Variants in C20orf203 observed in about 807,000 individuals in gnomAD.
C20orf203 encodes the protein chromosome 20 open reading frame 203.
Under a neutral mutation model 15.9 loss-of-function variants are expected in C20orf203, and 16 were observed. The ratio of observed to expected loss-of-function variants is 1.01; its 90% CI spans 0.68 to 1.53. C20orf203 has a LOEUF of 1.53. C20orf203 is among the 40% of genes most tolerant of loss of function. C20orf203 has a pLI of 0.00. For missense variants in C20orf203, 263 were observed against 247.5 expected, an observed-to-expected ratio of 1.06 and a Z score of -0.42; for synonymous variants, 98 against 97.2, an observed-to-expected ratio of 1.01 and a Z score of -0.05.
intron 1 of C20orf203, among the ~76,000 whole-genome samples, chr20:32,669,528 C>T (rs148660666): frequency 0.01 from 1,560 of 152,264 alleles, 17 homozygotes; most frequent in South Asian, 0.019. Flanking sequence ...GGGGAACCTG[C>T]AAAGGACTGA....
At position 32,642,378 on chromosome 20, in the gene C20orf203, A is replaced by G. The variant is rs150282037; in HGVS notation, c.*1178-1691T>C. 4.1e-3 allele frequency among the ~76,000 whole-genome samples: 618 copies of G among 152,334 alleles called. 2 individuals carry two copies. Among genetic ancestry groups the G allele is most frequent in the Middle Eastern group, 0.01 (3 of 294 alleles). ...CCAGTGAATGTCTATGGATGGACAG[A>G]CAGACAAGTATATCTCTAGGAACGA... On this transcript the variant is annotated intron_variant, in intron 4 of 5. Transcript: ENST00000608990.
chr20:32,662,995 C>G (rs1053126400), intron 1 of C20orf203, among the ~76,000 whole-genome samples: 5 of 144,654 alleles, frequency 3.5e-5, no homozygotes, highest in African/African-American at 1.3e-4. Flanking sequence ...GTCACTCAGG[C>G]TGGAGTACAG....
At chr20:32,648,991 A>T (rs542961206) in intron 4 of C20orf203, among the ~76,000 whole-genome samples, 1 of 152,200 alleles carries the variant, frequency 6.6e-6, no homozygotes, top group African/African-American at 2.4e-5. Flanking sequence ...TGCCTCCCCC[A>T]TGAGGAGGCA....
At chr20:32,651,336 GAAACCCTATTCAA>G (rs1982621783) in intron 2 of C20orf203, among the ~76,000 whole-genome samples, 170 bp from the exon 3 acceptor site, 1 of 141,106 alleles carries the variant, frequency 7.1e-6, no homozygotes, top group South Asian at 2.4e-4. Context: ...GCAACAGAGC[GAAACCCTATTCAA>G]AAAAAAAAAG....
At chr20:32,668,771 C>T (rs962768108) in intron 1 of C20orf203, among the ~76,000 whole-genome samples, 3 of 152,016 alleles carry the variant, frequency 2.0e-5, no homozygotes, top group African/African-American at 7.2e-5. Context: ...GAGCCAAGAT[C>T]GCCCCACTGT....
intron 4 of C20orf203, among the ~76,000 whole-genome samples, chr20:32,644,575 G>T (rs553474212): frequency 3.7e-4 from 56 of 152,254 alleles, no homozygotes; most frequent in Non-Finnish European, 2.9e-5. Flanking sequence ...TCCCCTGGGG[G>T]CACCTGCAGG....
Position 32,651,165 on chromosome 20 carries a change from C to A in C20orf203, c.-13G>T. The A allele has an allele frequency of 1.8e-5, 7 of 393,616 alleles. No homozygotes were observed. Among genetic ancestry groups the A allele is most frequent in the South Asian group, 1.0e-4 (1 of 9,814 alleles). The allele number at this position is 393,616 out of a possible 1,614,324, so 24.4% of individuals were successfully genotyped here. A position where few individuals can be genotyped will look rare whatever the true frequency, so the allele number is the denominator to read the frequency against. ...GCCTAGGAAACATAGGAGACCCTCT[C>A]TCTAAAAAAAAAAAAAAAAAAAAAA... is the stretch of plus-strand genomic sequence containing the variant. On this transcript the variant is annotated splice_region_variant and 5_prime_UTR_variant, in exon 3 of 6. The change creates a premature stop within an existing upstream ORF in the 5' untranslated region. Coordinates refer to ENST00000608990, the MANE Select transcript of C20orf203 (RefSeq NM_182584.4).
rs1208476974 is a variant in C20orf203 at position 32,650,318 on chromosome 20, C to T, written c.*114G>A. 6.5e-6 allele frequency: 5 copies of T among 771,288 alleles called. No individual in the cohort carries two copies. The highest frequency in any genetic ancestry group is 2.7e-5 in the Admixed American group (1 of 37,018). The allele number at this position is 771,288 out of a possible 1,614,324, so 47.8% of individuals were successfully genotyped here. A position where few individuals can be genotyped will look rare whatever the true frequency, so the allele number is the denominator to read the frequency against. ...CAGCTGGGCGTGCCGGGCCCATCCCCCACTCTGGGGAGCAGAATGATTGTG... is the reference window on the plus strand; with the variant it reads ...CAGCTGGGCGTGCCGGGCCCATCCCTCACTCTGGGGAGCAGAATGATTGTG... On this transcript the variant is annotated 3_prime_UTR_variant, in exon 4 of 6. Transcript: ENST00000608990.
intron 5 of C20orf203, among the ~76,000 whole-genome samples, chr20:32,635,655 A>T (rs1157816469): frequency 6.6e-6 from 1 of 151,296 alleles, no homozygotes; most frequent in Admixed American, 6.6e-5. Context: ...TCTACAAAAT[A>T]CAAAAATTAG....
At chr20:32,664,885 G>C (rs1461124052) in intron 1 of C20orf203, among the ~76,000 whole-genome samples, 2 of 152,254 alleles carry the variant, frequency 1.3e-5, no homozygotes, top group Non-Finnish European at 2.9e-5. Flanking sequence ...CAGGCAGTGA[G>C]TCGATCCTCA....
At chr20:32,643,722 G>A (rs1007153265) in intron 4 of C20orf203, among the ~76,000 whole-genome samples, 4 of 151,538 alleles carry the variant, frequency 2.6e-5, no homozygotes, top group South Asian at 4.2e-4. Flanking sequence ...GGATGTTTGC[G>A]TTGTTTCTCA....
intron 1 of C20orf203, among the ~76,000 whole-genome samples, chr20:32,673,414 C>T (rs937005933): frequency 3.9e-5 from 6 of 152,170 alleles, no homozygotes; most frequent in African/African-American, 9.7e-5. Context: ...ATGGGCTCAA[C>T]GGCCACACGG....
At chr20:32,638,682 G>C (rs892645161) in intron 5 of C20orf203, among the ~76,000 whole-genome samples, 1 of 152,244 alleles carries the variant, frequency 6.6e-6, no homozygotes, top group African/African-American at 2.4e-5. Flanking sequence ...TGACTGGGGA[G>C]ATGGAGGCCA....
In C20orf203 at chr20:32,633,983, C is replaced by T. The variant is rs1348156823; in HGVS notation, c.*1587G>A. On this transcript the variant is annotated 3_prime_UTR_variant, in exon 6 of 6. Coordinates refer to ENST00000608990, the MANE Select transcript of C20orf203 (RefSeq NM_182584.4). ...CTCCGGACTGTTTCATGCGTTCATT[C>T]ATGTGTCCAACTCTTCACTCCTTTC... 5.0e-6 allele frequency: 2 copies of T among 398,654 alleles called. No homozygotes were observed. The highest frequency in any genetic ancestry group is 8.8e-6 in the Non-Finnish European group (2 of 226,084). 24.7% of individuals were successfully genotyped at this position (398,654 alleles called of 1,614,324 possible).
rs1335706666 is a variant in C20orf203 at position 32,656,885 on chromosome 20, T to C, written c.-263-4904A>G. 2.8e-5 allele frequency: 3 copies of C among 106,380 alleles called. No homozygotes were observed. The East Asian group carries it at 7.6e-4, about 27-fold the overall frequency. The allele number at this position is 106,380 out of a possible 1,614,324, so 6.6% of individuals were successfully genotyped here. A position where few individuals can be genotyped will look rare whatever the true frequency, so the allele number is the denominator to read the frequency against. On this transcript the variant is annotated intron_variant, in intron 1 of 5. Coordinates refer to ENST00000608990, the MANE Select transcript of C20orf203 (RefSeq NM_182584.4). ...TCTCAAAAAAAAAATCTTACATGAC[T>C]AGTCATAGCAGCATTATTCCCCCAA...
chr20:32,667,215 A>T (rs191090234), intron 1 of C20orf203, among the ~76,000 whole-genome samples: 105 of 152,178 alleles, frequency 6.9e-4, no homozygotes, highest in African/African-American at 2.4e-3. Context: ...GTCACCTGGG[A>T]TTTTATTCCA....
At chr20:32,658,115 TC>T (rs1211042988) in intron 1 of C20orf203, 1 of 151,928 alleles carries the variant, frequency 6.6e-6, no homozygotes, top group African/African-American at 2.4e-5. Context: ...GACGGGCGGA[TC>T]ACCTGAGGTC....
rs1982640816 is a variant in C20orf203 at position 32,651,978 on chromosome 20, C to A, written c.-260G>T. 2 of 152,128 alleles carry A rather than the reference C, an allele frequency of 1.3e-5. No homozygotes were observed. Among genetic ancestry groups the A allele is most frequent in the Non-Finnish European group, 2.9e-5 (2 of 68,048 alleles). The allele number at this position is 152,128 out of a possible 1,614,324, so 9.4% of individuals were successfully genotyped here. A position where few individuals can be genotyped will look rare whatever the true frequency, so the allele number is the denominator to read the frequency against. On this transcript the variant is annotated 5_prime_UTR_variant, in exon 2 of 6. Transcript: ENST00000608990. ...ATTCACTCTGCCTTTAAGGGGACCCCAGTCTGGAAGGAGAGAGAAAACACA... is the reference window on the plus strand; with the variant it reads ...ATTCACTCTGCCTTTAAGGGGACCCAAGTCTGGAAGGAGAGAGAAAACACA...
chr20:32,644,778 T>C (rs191104625), intron 4 of C20orf203, among the ~76,000 whole-genome samples: 15 of 152,274 alleles, frequency 9.9e-5, no homozygotes, highest in South Asian at 6.2e-4. Flanking sequence ...AAAATGAGCT[T>C]GATCAGCTAG....
Sources: gnomAD v4.1 joint callset for allele counts (sites outside exome capture counted in the v4.1 genomes callset) on GRCh38, gnomAD v4.1.1 for gene constraint, MANE v1.5 for transcripts, NCBI Gene and HGNC (gene_info 2026-07-23, HGNC 2026-07-21) for gene names.